Variants in SPAG16 observed in about 807,000 individuals in gnomAD.
SPAG16 encodes sperm associated antigen 16.
A neutral mutation model predicts 80.4 loss-of-function variants in SPAG16; 86 were observed. That is an observed-to-expected ratio of 1.07 (90% CI 0.90 to 1.28). The LOEUF (loss-of-function observed/expected upper bound fraction) is 1.28. Ranked by LOEUF, SPAG16 falls within the 50% of genes most tolerant of loss-of-function variation. SPAG16 has a pLI of 0.00. For synonymous variants in SPAG16, 294 were observed against 265.9 expected, an observed-to-expected ratio of 1.11 and a Z score of -1.03; for missense variants, 870 against 765.3, an observed-to-expected ratio of 1.14 and a Z score of -1.61.
At chr2:213,707,157 GA>G (rs1229205739) in intron 10 of SPAG16, among the ~76,000 whole-genome samples, 2 of 152,186 alleles carry the variant, frequency 1.3e-5, no homozygotes, top group Non-Finnish European at 2.9e-5. Flanking sequence ...GCACCATCTT[GA>G]AGGCTTAATA....
intron 8 of SPAG16, among the ~76,000 whole-genome samples, chr2:213,366,352 C>G (rs1205206403): frequency 6.6e-6 from 1 of 151,910 alleles, no homozygotes; most frequent in Non-Finnish European, 1.5e-5. Flanking sequence ...AGAACCACTC[C>G]TGAACACAAT....
At chr2:213,562,986 G>A (rs999858919) in intron 10 of SPAG16, among the ~76,000 whole-genome samples, 1 of 152,284 alleles carries the variant, frequency 6.6e-6, no homozygotes, top group Non-Finnish European at 1.5e-5. Context: ...ACACCATCAC[G>A]CTGGGCGTTA....
At chr2:213,538,672 CT>C (rs2076328224) in intron 10 of SPAG16, among the ~76,000 whole-genome samples, 1 of 151,908 alleles carries the variant, frequency 6.6e-6, no homozygotes, top group Non-Finnish European at 1.5e-5. Flanking sequence ...TTTTTTTCTC[CT>C]TTGACTAATA....
intron 10 of SPAG16, among the ~76,000 whole-genome samples, chr2:213,608,885 G>A (rs575551007): frequency 6.6e-6 from 1 of 152,260 alleles, no homozygotes; most frequent in African/African-American, 2.4e-5. Context: ...GGGTTTCACC[G>A]TGTTAGCCGG....
intron 10 of SPAG16, among the ~76,000 whole-genome samples, chr2:213,844,095 C>T (rs2074493685): frequency 6.6e-6 from 1 of 152,106 alleles, no homozygotes; most frequent in Admixed American, 6.6e-5. Flanking sequence ...CATTATTGTC[C>T]TCATGTCTTC....
intron 2 of SPAG16, chr2:213,296,929 G>A (rs970933615): frequency 4.2e-6 from 2 of 479,562 alleles, no homozygotes; most frequent in Admixed American, 9.7e-5. Context: ...AAAAGTGATG[G>A]TGGAAAGCAC....
intron 10 of SPAG16, among the ~76,000 whole-genome samples, chr2:213,661,917 C>T (rs1207081335): frequency 2.6e-5 from 4 of 152,128 alleles, no homozygotes; most frequent in African/African-American, 9.7e-5. Context: ...CATCTTTCCT[C>T]CTCAAAGACT....
chr2:214,359,580 T>TG (rs1367643417), intron 15 of SPAG16, among the ~76,000 whole-genome samples: 2 of 151,928 alleles, frequency 1.3e-5, no homozygotes, highest in Admixed American at 1.3e-4. Flanking sequence ...CAATTGCAGA[T>TG]GAACTATTAA....
chr2:213,753,298 T>A (rs2457182), intron 10 of SPAG16, among the ~76,000 whole-genome samples: 1 of 152,216 alleles, frequency 6.6e-6, no homozygotes, highest in African/African-American at 2.4e-5. Context: ...ACGTGTGAGC[T>A]GCTGCGCCCA....
intron 10 of SPAG16, among the ~76,000 whole-genome samples, chr2:213,627,383 A>G (rs564386548): frequency 2.3e-4 from 35 of 152,372 alleles, no homozygotes; most frequent in African/African-American, 8.4e-4. Context: ...TTATTAAACT[A>G]CAGTGTAACA....
At position 213,980,380 on chromosome 2, in the gene SPAG16, C is replaced by A. The variant is rs186530509; in HGVS notation, c.1401-33571C>A. ...GAATATATGTGTGTATATATATTCT[C>A]TATATATATAGAATATATGTGTGTA... On this transcript the variant is annotated intron_variant, in intron 12 of 15. Coordinates refer to ENST00000331683, the MANE Select transcript of SPAG16 (RefSeq NM_024532.5). 5.6e-4 allele frequency among the ~76,000 whole-genome samples: 18 copies of A among 32,310 alleles called. 1 individual carries two copies. The highest frequency in any genetic ancestry group is 4.8e-3 in the African/African-American group (15 of 3,098). The allele number at this position is 32,310 out of a possible 152,430, so 21.2% of individuals were successfully genotyped here. A position where few individuals can be genotyped will look rare whatever the true frequency, so the allele number is the denominator to read the frequency against.
chr2:213,646,691 C>G (rs1288098800), intron 10 of SPAG16, among the ~76,000 whole-genome samples: 1 of 152,178 alleles, frequency 6.6e-6, no homozygotes, highest in Non-Finnish European at 1.5e-5. Flanking sequence ...GATACCAATG[C>G]TTTGGAAAGC....
At chr2:213,881,922 G>T (rs942966089) in intron 11 of SPAG16, among the ~76,000 whole-genome samples, 4 of 152,116 alleles carry the variant, frequency 2.6e-5, no homozygotes, top group Non-Finnish European at 5.9e-5. Flanking sequence ...GTTCTCAAGG[G>T]CAATGGATCC....
intron 11 of SPAG16, among the ~76,000 whole-genome samples, chr2:213,903,227 G>T (rs905833623): frequency 6.6e-6 from 1 of 152,188 alleles, no homozygotes; most frequent in Admixed American, 6.5e-5. Flanking sequence ...TAGGGACTCT[G>T]CATGGGGGCT....
intron 15 of SPAG16, among the ~76,000 whole-genome samples, chr2:214,264,855 T>C (rs979630765): frequency 6.6e-6 from 1 of 152,186 alleles, no homozygotes; most frequent in African/African-American, 2.4e-5. Context: ...TTTTCCAGGA[T>C]GTCATATATT....
chr2:214,285,085 C>A (rs1040477941), intron 15 of SPAG16, among the ~76,000 whole-genome samples: 1 of 152,168 alleles, frequency 6.6e-6, no homozygotes, highest in Non-Finnish European at 1.5e-5. Flanking sequence ...AATTTACTCT[C>A]CCACCAACTG....
chr2:213,826,966 T>C (rs2073341694), intron 10 of SPAG16, among the ~76,000 whole-genome samples: 1 of 152,032 alleles, frequency 6.6e-6, no homozygotes, highest in South Asian at 2.1e-4. Flanking sequence ...TTTATCATTA[T>C]ATGATGACTT....
At chr2:213,671,420 C>G (rs188577624) in intron 10 of SPAG16, among the ~76,000 whole-genome samples, 21 of 152,070 alleles carry the variant, frequency 1.4e-4, no homozygotes, top group East Asian at 5.8e-4. Context: ...GAGTAAGGAG[C>G]CTTGTTTTGG....
rs1320946174 is a variant in SPAG16 at position 213,353,524 on chromosome 2, C to T, written c.762+2879C>T. On this transcript the variant is annotated intron_variant, in intron 7 of 15. Transcript: ENST00000331683. ...TTAAGGGGTTGTCAATTTTCCTAGG[C>T]TATTGCCTGAAAAGCTAACAGCAAG... Among the ~76,000 whole-genome samples the T allele has an allele frequency of 3.3e-5, 5 of 152,158 alleles. No homozygotes were observed. The East Asian group carries it at 7.7e-4, about 23-fold the overall frequency.
Sources: allele counts gnomAD v4.1 joint callset (sites outside exome capture counted in the v4.1 genomes callset), GRCh38; gene constraint gnomAD v4.1.1; transcripts MANE v1.5; gene names NCBI Gene and HGNC (gene_info 2026-07-23, HGNC 2026-07-21).